STK11IP: variants seen among roughly 807,000 people sequenced by gnomAD.
STK11IP encodes serine/threonine kinase 11 interacting protein.
STK11IP carries 103 observed loss-of-function variants against 131.7 expected under a neutral mutation model. The ratio of observed to expected loss-of-function variants is 0.78; its 90% confidence interval spans 0.67 to 0.92. STK11IP has a LOEUF of 0.92. Among genes scored for constraint, STK11IP ranks in the 40% least tolerant of loss-of-function variants. The pLI, the probability that STK11IP is intolerant of heterozygous loss-of-function variation, is 0.00. For missense variants in STK11IP, 1,315 were observed against 1,385.7 expected (o/e 0.95, Z 0.81); for synonymous variants, 557 against 575.6 (o/e 0.97, Z 0.46).
At chr2:219,600,053 GTTTTTGTTTTTTTTTTTTTT>G (rs1197539012) in intron 2 of STK11IP, among the ~76,000 whole-genome samples, 2 of 101,572 alleles carry the variant, frequency 2.0e-5, no homozygotes, top group African/African-American at 8.5e-5. Flanking sequence ...TTTTTTTTTT[GTTTTTGTTTTTTTTTTTTTT>G]TTTTTTTGAG....
At chr2:219,606,369 T>C (rs779027821) in intron 10 of STK11IP, 79 bp downstream of exon 10, 3 of 1,544,712 alleles carry the variant, frequency 1.9e-6, no homozygotes, top group Non-Finnish European at 2.6e-6. Flanking sequence ...TTGCCATCCC[T>C]GGGTGAGGGG....
At chr2:219,615,726 G>A (rs182161896) in intron 24 of STK11IP, 1 of 650,156 alleles carries the variant, frequency 1.5e-6, no homozygotes, top group Non-Finnish European at 2.9e-6. Flanking sequence ...CTGAGGCTTG[G>A]GGATGTTAAC....
At chr2:219,612,403 G>T (rs1488531047) in intron 19 of STK11IP, among the ~76,000 whole-genome samples, 3 of 152,258 alleles carry the variant, frequency 2.0e-5, no homozygotes, top group Non-Finnish European at 4.4e-5. Context: ...TGTTGTGCTA[G>T]ACATTGAGGA....
At chr2:219,613,254 A>AGGGGGGAGAGGGGGTGAGTT in intron 20 of STK11IP, 29 bp downstream of exon 20, 2 of 764,246 alleles carry the variant, frequency 2.6e-6, no homozygotes, top group South Asian at 1.4e-5. Flanking sequence ...GCAGTGAGTA[A>AGGGGGGAGAGGGGGTGAGTT]GGGGGGAGAT....
At position 219,601,704 on chromosome 2, in the gene STK11IP, C is replaced by T. The variant is rs770744624; in HGVS notation, c.331C>T (p.Arg111Trp). 107 of 1,603,318 alleles carry T rather than the reference C, an allele frequency of 6.7e-5. No homozygotes were observed. Among genetic ancestry groups the T allele is most frequent in the African/African-American group, 9.4e-5 (7 of 74,340 alleles). ...CAAGATTTTCCCCTTCAAATCCCTT[C>T]GGCACCTGGAGGTATGGGGACACGG... ...PIKIFPFKSL[R>W]HLELRGVPLH... is the part of the protein sequence containing the mutation. Residue 111 changes from arginine (R) to tryptophan (W), a missense_variant, in exon 4 of 25, where the codon CGG becomes TGG. Transcript: ENST00000456909.
At chr2:219,607,266 A>G in intron 13 of STK11IP, 129 bp downstream of exon 13, 1 of 883,988 alleles carries the variant, frequency 1.1e-6, no homozygotes, top group Non-Finnish European at 1.7e-6. Flanking sequence ...AGGGCTTCTT[A>G]GTCTTTTTTC....
intron 22 of STK11IP, 62 bp from the exon 23 acceptor site, chr2:219,614,414 C>T (rs1252126529): frequency 1.9e-6 from 3 of 1,578,208 alleles, no homozygotes; most frequent in Non-Finnish European, 2.6e-6. Context: ...TTCCCACTCC[C>T]CTCTCTTCAA....
At chr2:219,605,261 C>G (rs1698113418) in intron 7 of STK11IP, among the ~76,000 whole-genome samples, 1 of 152,200 alleles carries the variant, frequency 6.6e-6, no homozygotes, top group Non-Finnish European at 1.5e-5. Context: ...CTGGCACTTA[C>G]CAAAATAAGG....
At chr2:219,608,977 G>C in intron 15 of STK11IP, 120 bp from the exon 16 acceptor site, 3 of 1,034,988 alleles carry the variant, frequency 2.9e-6, no homozygotes, top group Non-Finnish European at 4.2e-6. Context: ...GAGCTTGGAC[G>C]TCAGTACAGG....
chr2:219,615,409 G>A, intron 24 of STK11IP, 68 bp downstream of exon 24: 2 of 1,545,712 alleles, frequency 1.3e-6, no homozygotes, highest in Non-Finnish European at 1.7e-6. Flanking sequence ...GGCCATGAGG[G>A]CAGGGTGGGA....
At position 219,613,149 on chromosome 2, in the gene STK11IP, C is replaced by G; in HGVS notation, c.2461C>G (p.His821Asp). 1 of 1,612,000 alleles carries G rather than the reference C, an allele frequency of 6.2e-7. No individual in the cohort carries two copies. The highest frequency in any genetic ancestry group is 1.1e-5 in the South Asian group (1 of 91,032). Residue 821 changes from histidine to aspartate, a missense_variant, in exon 20 of 25, where the codon CAC becomes GAC. Physicochemically the swap from His to Asp is moderately conservative, Grantham distance 81. Coordinates refer to ENST00000456909, the MANE Select transcript of STK11IP (RefSeq NM_052902.4). ...CLKVPVALAG[H>D]TGEFMCLVVV... ...CCAGGTGCCAGTGGCATTGGCAGGCCACACTGGGGAGTTCATGTGCCTTGT... is the reference window on the plus strand; with the variant it reads ...CCAGGTGCCAGTGGCATTGGCAGGCGACACTGGGGAGTTCATGTGCCTTGT...
rs191478025 is a variant in STK11IP, at chr2:219,614,528, C to G, written c.2851C>G (p.Arg951Gly). Residue 951 changes from arginine (R) to glycine (G), a missense_variant, in exon 23 of 25, where the codon CGG becomes GGG. Physicochemically the swap from Arg to Gly is moderately radical, Grantham distance 125. Coordinates refer to ENST00000456909, the MANE Select transcript of STK11IP (RefSeq NM_052902.4). The part of the protein sequence containing the change: ...SLEARQFFYL[R>G]AFLVEGPSTC... ...GGAGGCTCGCCAGTTCTTCTACCTT[C>G]GGGCGTTCCTGGTTGAAGGTGAAGC... The G allele has an allele frequency of 1.9e-6, 3 of 1,613,706 alleles. No homozygotes were observed. The East Asian group carries it at 6.7e-5, about 36-fold the overall frequency.
chr2:219,608,076 G>A lies in STK11IP; in HGVS notation c.1249G>A (p.Glu417Lys). 2 of 1,612,348 alleles carry A rather than the reference G, an allele frequency of 1.2e-6. No individual in the cohort carries two copies. The highest frequency in any genetic ancestry group is 1.7e-6 in the Non-Finnish European group (2 of 1,179,840). The change falls in exon 14 of 25, where the codon GAG becomes AAG. Residue 417 changes from glutamate to lysine, a missense_variant. Glu to Lys is a moderately conservative substitution (Grantham distance 56, BLOSUM62 1). Transcript: ENST00000456909. ...GTTCGTGCAGCAGCACCCGGAGCTG[G>A]AGCTCATGAGCAGCTTCCGGGAACG... ...GWFVQQHPELELMSSFRERFG... is the reference protein window; with the variant it reads ...GWFVQQHPELKLMSSFRERFG...
intron 11 of STK11IP, 87 bp from the exon 12 acceptor site, chr2:219,606,625 G>T: frequency 6.2e-7 from 1 of 1,600,352 alleles, no homozygotes; most frequent in Non-Finnish European, 8.5e-7. Context: ...TCAGTGGAAA[G>T]TAGGGTCCCG....
intron 24 of STK11IP, 181 bp from the exon 25 acceptor site, chr2:219,615,863 C>A: frequency 1.2e-6 from 1 of 835,946 alleles, no homozygotes; most frequent in South Asian, 1.5e-5. Context: ...CAGTAAACGT[C>A]GGCTGGATTC....
In STK11IP at chr2:219,615,247, TGCGTGTCAGGGA is replaced by T. The variant is rs781673706; in HGVS notation, c.3026_3037del (p.Arg1009_Glu1012del). On this transcript the variant is annotated inframe_deletion, in exon 24 of 25. Transcript: ENST00000456909. ...CCTCCCTCGGGGCCGGGCCCTGCTGTGCGTGTCAGGGAGCAGCAGCCACTCAGCAGCCTGAGC... is the reference window on the plus strand; with the variant it reads ...CCTCCCTCGGGGCCGGGCCCTGCTGTGCAGCAGCCACTCAGCAGCCTGAGC... 1.3e-6 allele frequency: 2 copies of T among 1,596,934 alleles called. No individual in the cohort carries two copies. Among genetic ancestry groups the T allele is most frequent in the African/African-American group, 2.7e-5 (2 of 74,762 alleles).
At position 219,613,840 on chromosome 2, in the gene STK11IP, C is replaced by T. The variant is rs1698487060; in HGVS notation, c.2626C>T (p.Leu876=). 2 of 1,612,232 alleles carry T rather than the reference C, an allele frequency of 1.2e-6. No individual in the cohort carries two copies. The highest frequency in any genetic ancestry group is 1.7e-4 in the Middle Eastern group (1 of 6,056). ...GIELGLAGQS[L]RLEWAAGAGR... ...AGAGCTGGGCCTGGCAGGCCAGAGC[C>T]TGCGGCTAGAGTGGGCAGCTGGGGC... Residue 876 remains leucine, a synonymous_variant, in exon 21 of 25, where the codon CTG becomes TTG. Coordinates refer to ENST00000456909, the MANE Select transcript of STK11IP (RefSeq NM_052902.4).
chr2:219,603,889 G>A (rs999789892), intron 7 of STK11IP, among the ~76,000 whole-genome samples: 2 of 152,074 alleles, frequency 1.3e-5, no homozygotes, highest in Non-Finnish European at 2.9e-5. Flanking sequence ...TGAACTGAAC[G>A]CCACTTCAAT....
chr2:219,600,342 T>G (rs1697946983), intron 2 of STK11IP, among the ~76,000 whole-genome samples: 2 of 151,764 alleles, frequency 1.3e-5, no homozygotes, highest in Admixed American at 6.6e-5. Context: ...ACTCCTGACC[T>G]CAAGTGCCTT....
Sources: allele counts gnomAD v4.1 joint callset (sites outside exome capture counted in the v4.1 genomes callset), GRCh38; gene constraint gnomAD v4.1.1; transcripts MANE v1.5; gene names NCBI Gene and HGNC (gene_info 2026-07-23, HGNC 2026-07-21).